Variants in SV2C observed in about 807,000 individuals in gnomAD.
SV2C encodes the protein solute carrier family 22 member B3.
SV2C carries 49 observed loss-of-function variants against 79.7 expected under a neutral mutation model. The observed-to-expected ratio is 0.61, with a 90% CI of 0.49 to 0.78. The LOEUF (loss-of-function observed/expected upper bound fraction) is 0.78. Ranked by LOEUF, SV2C falls within the 30% of genes least tolerant of loss-of-function variation. The probability of loss-of-function intolerance (pLI) is 0.00; values close to 1 mark genes in which losing one functional copy is unlikely to be tolerated. For missense variants in SV2C, 833 were observed against 912.9 expected (o/e 0.91, Z 1.13); for synonymous variants, 334 against 333.2 (o/e 1.00, Z -0.03).
intron 3 of SV2C, among the ~76,000 whole-genome samples, chr5:76,197,706 G>GAAGATAGATAGATAGATAGA (rs1561260450): frequency 3.2e-4 from 1 of 3,130 alleles, no homozygotes; most frequent in African/African-American, 2.1e-3. Context: ...AGATAGACAG[G>GAAGATAGATAGATAGATAGA]CAGATAGATA....
the SV2C span, among the ~76,000 whole-genome samples, chr5:75,872,772 G>A: frequency 6.6e-6 from 1 of 152,032 alleles, no homozygotes; most frequent in Non-Finnish European, 1.5e-5. Context: ...TATGGGGGAA[G>A]GGAGGAGGGA....
At chr5:75,864,460 C>T in the SV2C span, among the ~76,000 whole-genome samples, 1 of 152,076 alleles carries the variant, frequency 6.6e-6, no homozygotes, top group Non-Finnish European at 1.5e-5. Context: ...TCACAGATCC[C>T]CAGAGACAGA....
At chr5:76,110,172 C>T (rs763497230) in intron 1 of SV2C, among the ~76,000 whole-genome samples, 4 of 152,162 alleles carry the variant, frequency 2.6e-5, no homozygotes, top group South Asian at 2.1e-4. Context: ...GGAAAGGAAC[C>T]CTGCTGAATA....
At chr5:76,321,208 AC>A (rs1320320209) in intron 12 of SV2C, among the ~76,000 whole-genome samples, 3 of 152,070 alleles carry the variant, frequency 2.0e-5, no homozygotes, top group Non-Finnish European at 4.4e-5. Flanking sequence ...TCAAAGAAAA[AC>A]CCACACTTAC....
At chr5:76,077,863 T>TA in the SV2C span, among the ~76,000 whole-genome samples, 1 of 152,202 alleles carries the variant, frequency 6.6e-6, no homozygotes, top group African/African-American at 2.4e-5. Context: ...GGTGGCCTCT[T>TA]AAACTTTAGA....
intron 2 of SV2C, among the ~76,000 whole-genome samples, chr5:76,134,526 T>C (rs181475739): frequency 6.6e-6 from 1 of 152,314 alleles, no homozygotes; most frequent in African/African-American, 2.4e-5. Flanking sequence ...AGGATATAGA[T>C]TTGCAAAATA....
intron 2 of SV2C, among the ~76,000 whole-genome samples, chr5:76,152,464 A>G (rs1315413844): frequency 6.6e-6 from 1 of 152,236 alleles, no homozygotes; most frequent in Non-Finnish European, 1.5e-5. Flanking sequence ...ATACGTTGGC[A>G]AAATAGGAGA....
intron 12 of SV2C, among the ~76,000 whole-genome samples, chr5:76,315,217 CACAT>C (rs1253842645): frequency 4.6e-5 from 7 of 151,032 alleles, no homozygotes; most frequent in Admixed American, 3.9e-4. Context: ...CACACACACA[CACAT>C]AATAGATACT....
chr5:75,956,355 A>G, the SV2C span, among the ~76,000 whole-genome samples: 11 of 133,942 alleles, frequency 8.2e-5, no homozygotes, highest in African/African-American at 1.4e-4. Context: ...ATGAGAACAC[A>G]TGGACACAGG....
At chr5:75,951,276 T>C in the SV2C span, among the ~76,000 whole-genome samples, 2 of 152,008 alleles carry the variant, frequency 1.3e-5, no homozygotes, top group Non-Finnish European at 2.9e-5. Context: ...GTTTACTGTT[T>C]TCCAATTGAG....
At chr5:76,123,372 T>C (rs1471599154) in intron 1 of SV2C, among the ~76,000 whole-genome samples, 1 of 152,184 alleles carries the variant, frequency 6.6e-6, no homozygotes, top group African/African-American at 2.4e-5. Flanking sequence ...CCCTAACTCA[T>C]TTGATAAGGC....
intron 2 of SV2C, among the ~76,000 whole-genome samples, chr5:76,192,635 T>C (rs950536179): frequency 6.6e-6 from 1 of 152,194 alleles, no homozygotes; most frequent in African/African-American, 2.4e-5. Context: ...CCTGATGCCT[T>C]TGCCAACATT....
At chr5:76,008,775 CTA>C in the SV2C span, among the ~76,000 whole-genome samples, 1 of 152,126 alleles carries the variant, frequency 6.6e-6, no homozygotes, top group East Asian at 1.9e-4. Flanking sequence ...CTTATCCAAT[CTA>C]AACCCTGCAA....
At chr5:75,936,264 T>C in the SV2C span, among the ~76,000 whole-genome samples, 1 of 152,204 alleles carries the variant, frequency 6.6e-6, no homozygotes, top group Non-Finnish European at 1.5e-5. Context: ...ACAATTCTCC[T>C]CTGGGGACTG....
At chr5:76,011,122 A>T in the SV2C span, among the ~76,000 whole-genome samples, 3 of 152,274 alleles carry the variant, frequency 2.0e-5, no homozygotes, top group African/African-American at 7.2e-5. Flanking sequence ...AAAAAAGAAG[A>T]CAGAAAGATA....
intron 2 of SV2C, among the ~76,000 whole-genome samples, chr5:76,147,404 T>C (rs1299186155): frequency 6.6e-6 from 1 of 152,190 alleles, no homozygotes; most frequent in Non-Finnish European, 1.5e-5. Context: ...GACAGCCTTT[T>C]CTACTCTGTG....
At chr5:76,352,333 G>C (rs1467615230) in intron 12 of SV2C, among the ~76,000 whole-genome samples, 1 of 152,218 alleles carries the variant, frequency 6.6e-6, no homozygotes, top group Non-Finnish European at 1.5e-5. Flanking sequence ...TGGTTTGACT[G>C]TGCCCCCAAA....
intron 2 of SV2C, among the ~76,000 whole-genome samples, chr5:76,176,269 TAGAA>T (rs553797249): frequency 3.2e-4 from 48 of 152,290 alleles, no homozygotes; most frequent in Middle Eastern, 3.4e-3. Context: ...GTTGTGCAAA[TAGAA>T]AACCATGGTA....
At chr5:76,045,892 A>T in the SV2C span, among the ~76,000 whole-genome samples, 1 of 152,186 alleles carries the variant, frequency 6.6e-6, no homozygotes, top group African/African-American at 2.4e-5. Flanking sequence ...TAGGTTTAGT[A>T]GGCTGTCTGA....
Sources: allele counts gnomAD v4.1 joint callset (sites outside exome capture counted in the v4.1 genomes callset), GRCh38; gene constraint gnomAD v4.1.1; transcripts MANE v1.5; gene names NCBI Gene and HGNC (gene_info 2026-07-23, HGNC 2026-07-21).